Variants in PTPRN2 observed in about 807,000 individuals in gnomAD.
PTPRN2 encodes the protein protein tyrosine phosphatase receptor type N2.
A neutral mutation model predicts 118.8 loss-of-function variants in PTPRN2; 74 were observed. The ratio of observed to expected loss-of-function variants is 0.62; its 90% CI spans 0.52 to 0.76. The LOEUF is 0.76. PTPRN2 is among the 30% of genes least tolerant of loss of function. The pLI, the probability that PTPRN2 is intolerant of heterozygous loss-of-function variation, is 0.00. For synonymous variants in PTPRN2, 641 were observed against 608.0 expected (o/e 1.05, Z -0.80); for missense variants, 1,481 against 1,394.4 (o/e 1.06, Z -0.99).
At chr7:157,692,473 T>G (rs1638006) in intron 12 of PTPRN2, among the ~76,000 whole-genome samples, 34,548 of 152,160 alleles carry the variant, frequency 0.23, 4,258 homozygotes, top group East Asian at 0.31. Flanking sequence ...AGGCGGGGGT[T>G]GTCCACAGAT....
chr7:157,904,559 G>A (rs527510161), intron 11 of PTPRN2, among the ~76,000 whole-genome samples: 14 of 152,374 alleles, frequency 9.2e-5, no homozygotes, highest in Non-Finnish European at 1.9e-4. Flanking sequence ...GGAGTCCCCA[G>A]AGTCCAGCTT....
intron 17 of PTPRN2, among the ~76,000 whole-genome samples, chr7:157,578,779 C>T (rs748985993): frequency 5.9e-5 from 9 of 152,366 alleles, no homozygotes; most frequent in Non-Finnish European, 7.3e-5. Context: ...CCTCTGACCT[C>T]GTTTCTTTGC....
intron 1 of PTPRN2, among the ~76,000 whole-genome samples, chr7:158,534,730 G>A (rs1461314874): frequency 6.6e-6 from 1 of 152,192 alleles, no homozygotes; most frequent in Non-Finnish European, 1.5e-5. Context: ...GCCCGGGCAT[G>A]TTTCACCTCG....
chr7:157,542,669 ACAGAG>A (rs939582534), intron 22 of PTPRN2, among the ~76,000 whole-genome samples: 1 of 152,212 alleles, frequency 6.6e-6, no homozygotes, highest in Non-Finnish European at 1.5e-5. Flanking sequence ...CAGTCACCGG[ACAGAG>A]CAGCAGGAAG....
At chr7:158,270,216 G>A (rs577635690) in intron 3 of PTPRN2, among the ~76,000 whole-genome samples, 2 of 152,368 alleles carry the variant, frequency 1.3e-5, no homozygotes, top group South Asian at 2.1e-4. Flanking sequence ...GGAGAGCCCC[G>A]TGGGCAGAGG....
At chr7:158,209,837 T>G (rs1449873442) in intron 3 of PTPRN2, among the ~76,000 whole-genome samples, 2 of 152,188 alleles carry the variant, frequency 1.3e-5, no homozygotes, top group African/African-American at 4.8e-5. Context: ...AAACTGAAAT[T>G]ATATCAAGTA....
chr7:158,132,447 C>T (rs1439125060), intron 9 of PTPRN2, among the ~76,000 whole-genome samples: 2 of 114,286 alleles, frequency 1.7e-5, no homozygotes, highest in Non-Finnish European at 3.5e-5. Context: ...TACATATGCA[C>T]AAACATATCG....
chr7:157,669,057 G>A (rs1340474102), intron 13 of PTPRN2, among the ~76,000 whole-genome samples: 1 of 152,222 alleles, frequency 6.6e-6, no homozygotes, highest in East Asian at 1.9e-4. Context: ...GTTGAGGAGA[G>A]CGACTTTACA....
intron 12 of PTPRN2, among the ~76,000 whole-genome samples, chr7:157,757,827 C>A (rs1039681486): frequency 6.6e-6 from 1 of 152,214 alleles, no homozygotes; most frequent in Admixed American, 6.5e-5. Context: ...TTGAAAAGAG[C>A]CCCAGCTGCT....
intron 3 of PTPRN2, among the ~76,000 whole-genome samples, chr7:158,262,927 A>T (rs1039089467): frequency 1.6e-4 from 23 of 143,742 alleles, no homozygotes; most frequent in East Asian, 7.9e-4. Context: ...ACACACATTC[A>T]CACACTGCAC....
intron 1 of PTPRN2, chr7:158,541,613 G>A (rs1227122289): frequency 7.4e-7 from 1 of 1,350,800 alleles, no homozygotes; most frequent in Non-Finnish European, 9.8e-7. Flanking sequence ...CCATCTGGCT[G>A]TCATTTCACA....
chr7:157,747,216 G>A (rs1801016828), intron 12 of PTPRN2, among the ~76,000 whole-genome samples: 1 of 138,366 alleles, frequency 7.2e-6, no homozygotes, highest in African/African-American at 2.7e-5. Flanking sequence ...GCGTCCCTGA[G>A]CTGTGGGCTG....
intron 12 of PTPRN2, among the ~76,000 whole-genome samples, chr7:157,770,990 C>T (rs533508200): frequency 3.6e-4 from 55 of 152,368 alleles, no homozygotes; most frequent in African/African-American, 1.3e-3. Flanking sequence ...GAAGTAACGC[C>T]CTGCCAGTTT....
At chr7:158,381,932 G>A (rs535912690) in intron 2 of PTPRN2, among the ~76,000 whole-genome samples, 66 of 152,252 alleles carry the variant, frequency 4.3e-4, no homozygotes, top group Non-Finnish European at 7.6e-4. Context: ...AGAACAGCAC[G>A]AGAAAGACCC....
chr7:157,564,808 C>T (rs767911651), intron 21 of PTPRN2, among the ~76,000 whole-genome samples: 3 of 152,240 alleles, frequency 2.0e-5, no homozygotes, highest in Non-Finnish European at 4.4e-5. Context: ...TGTGGCGATT[C>T]CGCCCCAGGG....
chr7:157,695,585 A>G (rs1797725833), intron 12 of PTPRN2, among the ~76,000 whole-genome samples: 1 of 152,218 alleles, frequency 6.6e-6, no homozygotes, highest in African/African-American at 2.4e-5. Flanking sequence ...TGAAAACAAG[A>G]TGTTTTGAGA....
At chr7:157,826,502 C>T (rs2164221) in intron 12 of PTPRN2, among the ~76,000 whole-genome samples, 3 of 87,318 alleles carry the variant, frequency 3.4e-5, no homozygotes, top group African/African-American at 1.1e-4. Flanking sequence ...TGTGCAAAGA[C>T]GGCAGCACGA....
intron 12 of PTPRN2, among the ~76,000 whole-genome samples, chr7:157,759,042 C>T (rs1271271337): frequency 6.6e-6 from 1 of 152,202 alleles, no homozygotes; most frequent in Non-Finnish European, 1.5e-5. Flanking sequence ...TCCGACGTTT[C>T]AAGAAAAAGG....
chr7:157,617,374 C>A lies in PTPRN2; in HGVS notation c.2344+3988G>T, dbSNP rs62476784. On this transcript the variant is annotated intron_variant, in intron 15 of 22. Coordinates refer to ENST00000389418, the MANE Select transcript of PTPRN2 (RefSeq NM_002847.5). This position sits in a 1 kb window ranked among gnomAD's most constrained non-coding sequence, Gnocchi z 7.5. ...TAGGACGCCGTTCACGCAGCTGCAG[C>A]GCAGAGCACGGGCGACGCTGGCTCA... is the stretch of plus-strand genomic sequence containing the variant. 3.4e-5 allele frequency: 5 copies of A among 147,042 alleles called. No individual in the cohort carries two copies. The East Asian group carries it at 8.7e-4, about 25-fold the overall frequency. The allele number at this position is 147,042 out of a possible 1,614,324, so 9.1% of individuals were successfully genotyped here.
Sources: allele counts gnomAD v4.1 joint callset (sites outside exome capture counted in the v4.1 genomes callset), GRCh38; gene constraint gnomAD v4.1.1; non-coding constraint Gnocchi (gnomAD v3.1); transcripts MANE v1.5; gene names NCBI Gene and HGNC (gene_info 2026-07-23, HGNC 2026-07-21).